PLS1: variants seen among roughly 807,000 people sequenced by gnomAD.
PLS1 encodes plastin-1.
A neutral mutation model predicts 73.7 loss-of-function variants in PLS1; 32 were observed. The ratio of observed to expected loss-of-function variants is 0.43; its 90% confidence interval spans 0.33 to 0.58. The LOEUF (loss-of-function observed/expected upper bound fraction) is 0.58, where lower values mean the gene tolerates loss of function less well. Among genes scored for constraint, PLS1 ranks in the 20% least tolerant of loss-of-function variants. The pLI, the probability that PLS1 is intolerant of heterozygous loss-of-function variation, is 0.04. For missense variants in PLS1, 633 were observed against 740.5 expected, an observed-to-expected ratio of 0.85 and a Z score of 1.68; for synonymous variants, 217 against 261.3, an observed-to-expected ratio of 0.83 and a Z score of 1.63.
Position 142,686,345 on chromosome 3 carries a change from C to T in PLS1, c.950C>T (p.Pro317Leu), listed in dbSNP as rs1440676999. The T allele has an allele frequency of 6.2e-6, 10 of 1,609,130 alleles. No individual in the cohort carries two copies. The highest frequency in any genetic ancestry group is 7.7e-6 in the Non-Finnish European group (9 of 1,175,650). ...QIAPKGGEDG[P>L]AIAIDLSGIN... ...GCCCCTAAAGGTGGGGAAGATGGAC[C>T]TGCCATTGCCATTGACCTTTCAGGA... Residue 317 changes from proline (P) to leucine (L), a missense_variant, in exon 9 of 16, where the codon CCT becomes CTT. Pro to Leu is a moderately conservative substitution (Grantham distance 98, BLOSUM62 -3). Coordinates refer to ENST00000457734, the MANE Select transcript of PLS1 (RefSeq NM_001145319.2).
intron 1 of PLS1, among the ~76,000 whole-genome samples, chr3:142,639,885 C>T (rs1223775856): frequency 6.6e-6 from 1 of 152,148 alleles, no homozygotes; most frequent in Non-Finnish European, 1.5e-5. Context: ...TAGTGTTAAA[C>T]ACTAAGCAGT....
At chr3:142,647,241 AG>A (rs2036971644) in intron 1 of PLS1, among the ~76,000 whole-genome samples, 1 of 152,248 alleles carries the variant, frequency 6.6e-6, no homozygotes, top group Non-Finnish European at 1.5e-5. Context: ...AGAAATTAAA[AG>A]TGATGTTGTT....
intron 14 of PLS1, among the ~76,000 whole-genome samples, chr3:142,705,291 A>T (rs1357909716): frequency 6.6e-6 from 1 of 152,214 alleles, no homozygotes; most frequent in Admixed American, 6.5e-5. Flanking sequence ...TTGTATTGAC[A>T]TCATTTCCAA....
intron 2 of PLS1, among the ~76,000 whole-genome samples, chr3:142,668,876 A>G (rs1333231662): frequency 2.0e-5 from 3 of 152,196 alleles, no homozygotes; most frequent in East Asian, 1.9e-4. Flanking sequence ...TGCTGGGATT[A>G]TAAGTGTGAG....
chr3:142,624,271 A>G (rs1428660450), intron 1 of PLS1, among the ~76,000 whole-genome samples: 1 of 152,174 alleles, frequency 6.6e-6, no homozygotes, highest in East Asian at 1.9e-4. Flanking sequence ...TCACTGTTTC[A>G]TTGAATTTGG....
chr3:142,702,370 C>T (rs1396452374), intron 12 of PLS1, among the ~76,000 whole-genome samples: 1 of 152,134 alleles, frequency 6.6e-6, no homozygotes, highest in East Asian at 1.9e-4. Flanking sequence ...TTTTTAAGAA[C>T]AATAACCATA....
chr3:142,641,157 A>ATT (rs544202131), intron 1 of PLS1, among the ~76,000 whole-genome samples: 3,331 of 134,148 alleles, frequency 0.025, 117 homozygotes, highest in African/African-American at 0.09. Flanking sequence ...ACCCAGAGTG[A>ATT]TTATATATAT....
intron 1 of PLS1, among the ~76,000 whole-genome samples, chr3:142,647,360 C>CTA (rs764122238): frequency 2.6e-5 from 4 of 152,072 alleles, no homozygotes; most frequent in Non-Finnish European, 4.4e-5. Flanking sequence ...TGATAAGTTG[C>CTA]TATAATACAA....
At chr3:142,706,612 A>G (rs907826651) in intron 14 of PLS1, among the ~76,000 whole-genome samples, 1 of 152,214 alleles carries the variant, frequency 6.6e-6, no homozygotes, top group Admixed American at 6.5e-5. Flanking sequence ...ATCTGAATGT[A>G]GTGAACAGGA....
At chr3:142,621,518 T>A (rs752322378) in intron 1 of PLS1, among the ~76,000 whole-genome samples, 4 of 152,218 alleles carry the variant, frequency 2.6e-5, no homozygotes, top group Non-Finnish European at 5.9e-5. Flanking sequence ...AGGCATACTT[T>A]CAAAAACTGA....
chr3:142,630,187 C>T lies in PLS1; in HGVS notation c.-37+33678C>T, dbSNP rs369833252. Among the ~76,000 whole-genome samples, 25 of 152,042 alleles carry T rather than the reference C, an allele frequency of 1.6e-4. No homozygotes were observed. The East Asian group carries it at 1.9e-3, about 12-fold the overall frequency. Reference sequence around the variant, plus strand: ...CTGTAATCCCAGCACTTTGGGAGGCCGAGGCAGGTAGATCACTTGAGGCCA... The same window carrying T: ...CTGTAATCCCAGCACTTTGGGAGGCTGAGGCAGGTAGATCACTTGAGGCCA... On this transcript the variant is annotated intron_variant, in intron 1 of 15. Transcript: ENST00000457734.
At chr3:142,709,789 C>G (rs912046680) in intron 14 of PLS1, among the ~76,000 whole-genome samples, 4 of 150,434 alleles carry the variant, frequency 2.7e-5, no homozygotes, top group Admixed American at 2.6e-4. Context: ...TGCACGCCAG[C>G]CTGGGCAACA....
intron 1 of PLS1, among the ~76,000 whole-genome samples, chr3:142,652,696 A>G (rs1003658320): frequency 6.6e-6 from 1 of 152,218 alleles, no homozygotes; most frequent in Non-Finnish European, 1.5e-5. Context: ...AAAACTGAAT[A>G]GCACCTGTTT....
At chr3:142,627,276 A>G (rs1447126338) in intron 1 of PLS1, among the ~76,000 whole-genome samples, 1 of 151,846 alleles carries the variant, frequency 6.6e-6, no homozygotes, top group Non-Finnish European at 1.5e-5. Flanking sequence ...TTTTGTACCT[A>G]CTTTTTTGTA....
Position 142,711,638 on chromosome 3 carries a change from G to T in PLS1, c.1754+13G>T. 3 of 1,588,320 alleles carry T rather than the reference G, an allele frequency of 1.9e-6. No individual in the cohort carries two copies. Among genetic ancestry groups the T allele is most frequent in the Non-Finnish European group, 2.6e-6 (3 of 1,161,138 alleles). ...TGAACAATGCTAAGTAAGCCTTTAT[G>T]GTTTATATTACAATACATGGCCCTT... On this transcript the variant is annotated intron_variant, in intron 15 of 15. Transcript: ENST00000457734.
At chr3:142,601,070 C>T (rs1415006237) in intron 1 of PLS1, among the ~76,000 whole-genome samples, 2 of 146,672 alleles carry the variant, frequency 1.4e-5, no homozygotes, top group East Asian at 3.9e-4. Flanking sequence ...ACTACAGGCA[C>T]CCGCCACCAC....
At chr3:142,686,533 T>C (rs1414855089) in intron 9 of PLS1, among the ~76,000 whole-genome samples, 157 bp downstream of exon 9, 1 of 152,208 alleles carries the variant, frequency 6.6e-6, no homozygotes, top group Non-Finnish European at 1.5e-5. Flanking sequence ...CTTTTCATCA[T>C]CCTGTAGGGA....
At chr3:142,633,912 A>G (rs953728276) in intron 1 of PLS1, among the ~76,000 whole-genome samples, 2 of 152,240 alleles carry the variant, frequency 1.3e-5, no homozygotes, top group African/African-American at 4.8e-5. Flanking sequence ...GACTTTTCAG[A>G]CAATGGCATT....
chr3:142,684,368 C>G lies in PLS1; in HGVS notation c.861C>G (p.Thr287=). 6.2e-7 allele frequency: 1 copy of G among 1,613,594 alleles called. No homozygotes were observed. The highest frequency in any genetic ancestry group is 1.1e-5 in the South Asian group (1 of 91,040). ...ATCTGACCAATGCAGGATGGCATAC[C>G]ATCAGCAACTTCAGCCAAGACATTA... ...NYHLTNAGWH[T]ISNFSQDIKD... Residue 287 remains threonine (T), a synonymous_variant, in exon 8 of 16, where the codon ACC becomes ACG. Coordinates refer to ENST00000457734, the MANE Select transcript of PLS1 (RefSeq NM_001145319.2).
Sources: allele counts gnomAD v4.1 joint callset (sites outside exome capture counted in the v4.1 genomes callset), GRCh38; gene constraint gnomAD v4.1.1; transcripts MANE v1.5; gene names NCBI Gene and HGNC (gene_info 2026-07-23, HGNC 2026-07-21).